Variants in PDS5A observed in about 807,000 individuals in gnomAD.
PDS5A encodes PDS5 cohesin associated factor A.
In PDS5A, 42 loss-of-function variants were observed where a neutral mutation model predicts 167.1. That is an observed-to-expected ratio of 0.25 (90% CI 0.20 to 0.33). The LOEUF (loss-of-function observed/expected upper bound fraction) is 0.33. PDS5A is among the 10% of genes least tolerant of loss of function. The pLI, the probability that PDS5A is intolerant of heterozygous loss-of-function variation, is 1.00. For synonymous variants in PDS5A, 553 were observed against 554.6 expected (o/e 1.00, Z 0.04); for missense variants, 1,033 against 1,605.9 (o/e 0.64, Z 6.10).
chr4:39,958,914 T>G (rs1729220104), intron 2 of PDS5A, among the ~76,000 whole-genome samples: 1 of 152,158 alleles, frequency 6.6e-6, no homozygotes, highest in Non-Finnish European at 1.5e-5. Flanking sequence ...CTGCTGTACT[T>G]ATTTATTTTC....
At chr4:39,840,662 T>C (rs1357274921) in intron 31 of PDS5A, among the ~76,000 whole-genome samples, 1 of 151,178 alleles carries the variant, frequency 6.6e-6, no homozygotes, top group Non-Finnish European at 1.5e-5. Flanking sequence ...TCCCAACGTG[T>C]TGGAATTACA....
chr4:39,963,653 A>C (rs367594241), intron 2 of PDS5A, among the ~76,000 whole-genome samples: 1 of 152,236 alleles, frequency 6.6e-6, no homozygotes, highest in East Asian at 1.9e-4. Flanking sequence ...GAAACATGGC[A>C]AAACCCTGTC....
intron 32 of PDS5A, among the ~76,000 whole-genome samples, chr4:39,829,207 A>T (rs1715589457): frequency 6.6e-6 from 1 of 152,240 alleles, no homozygotes; most frequent in South Asian, 2.1e-4. Context: ...AGGAAAATGC[A>T]GGTGGAATGT....
At chr4:39,898,127 G>T in intron 16 of PDS5A, 1 of 1,176,320 alleles carries the variant, frequency 8.5e-7, no homozygotes, top group Non-Finnish European at 1.0e-6. Flanking sequence ...CTCAATGAAT[G>T]TCTACTAAGT....
intron 26 of PDS5A, among the ~76,000 whole-genome samples, chr4:39,850,410 T>A (rs1718026621): frequency 6.6e-6 from 1 of 151,920 alleles, no homozygotes; most frequent in Non-Finnish European, 1.5e-5. Flanking sequence ...GGATCGCTTG[T>A]GGTTGCAGTG....
intron 6 of PDS5A, among the ~76,000 whole-genome samples, chr4:39,921,583 T>TAAAAAAAAAAAA: frequency 1.2e-5 from 1 of 86,864 alleles, no homozygotes; most frequent in Non-Finnish European, 2.2e-5. Flanking sequence ...AAAGAAAACT[T>TAAAAAAAAAAAA]AAAAAAAAAA....
Position 39,973,500 on chromosome 4 carries a change from T to C in PDS5A, c.138+2940A>G, listed in dbSNP as rs370704979. ...AAAATCTTGATGATAGTATTGATGATGAACGTCTCCAGAAAGAGTTTTCTC... is the reference window on the plus strand; with the variant it reads ...AAAATCTTGATGATAGTATTGATGACGAACGTCTCCAGAAAGAGTTTTCTC... On this transcript the variant is annotated intron_variant, in intron 2 of 32. Coordinates refer to ENST00000303538, the MANE Select transcript of PDS5A (RefSeq NM_001100399.2). 79 of 1,324,144 alleles carry C rather than the reference T, an allele frequency of 6.0e-5. 1 individual carries two copies. The South Asian group carries it at 8.7e-4, about 15-fold the overall frequency. The allele number at this position is 1,324,144 out of a possible 1,614,324, so 82.0% of individuals were successfully genotyped here. A position where few individuals can be genotyped will look rare whatever the true frequency, so the allele number is the denominator to read the frequency against.
intron 13 of PDS5A, among the ~76,000 whole-genome samples, chr4:39,900,847 G>C (rs189734574): frequency 1.1e-4 from 17 of 151,432 alleles, no homozygotes; most frequent in Non-Finnish European, 1.5e-4. Context: ...ACATGTATAC[G>C]CTTGGAGCAC....
chr4:39,886,025 G>A (rs1014591463), intron 17 of PDS5A, among the ~76,000 whole-genome samples: 1 of 152,170 alleles, frequency 6.6e-6, no homozygotes, highest in Non-Finnish European at 1.5e-5. Flanking sequence ...TAGCGGTCTA[G>A]TTTCATTCTT....
chr4:39,904,361 C>T (rs933206308), intron 11 of PDS5A, among the ~76,000 whole-genome samples, 170 bp from the exon 12 acceptor site: 41 of 151,968 alleles, frequency 2.7e-4, no homozygotes, highest in African/African-American at 9.4e-4. Context: ...TTTTTTGAGA[C>T]GGAGTCTCAC....
intron 29 of PDS5A, 22 bp from the exon 30 acceptor site, chr4:39,844,823 C>A (rs1717442357): frequency 6.3e-7 from 1 of 1,586,318 alleles, no homozygotes; most frequent in Non-Finnish European, 8.5e-7. Flanking sequence ...AACAAAAAAC[C>A]CCCCAAAAAC....
intron 2 of PDS5A, among the ~76,000 whole-genome samples, chr4:39,950,738 C>T (rs1335974296): frequency 6.6e-6 from 1 of 151,726 alleles, no homozygotes; most frequent in African/African-American, 2.4e-5. Flanking sequence ...CAGGTCTACG[C>T]TACCACACCA....
At chr4:39,895,344 A>G (rs953611598) in intron 16 of PDS5A, among the ~76,000 whole-genome samples, 5 of 152,242 alleles carry the variant, frequency 3.3e-5, no homozygotes, top group Non-Finnish European at 7.3e-5. Context: ...TATGCTAAAT[A>G]CTGTAGGGAA....
At chr4:39,976,691 T>C (rs922177573) in intron 1 of PDS5A, 74 bp from the exon 2 acceptor site, 1 of 753,062 alleles carries the variant, frequency 1.3e-6, no homozygotes, top group African/African-American at 1.7e-5. Flanking sequence ...CAAATCTCTC[T>C]AATCTGGAAA....
chr4:39,904,812 T>C (rs906150260), intron 11 of PDS5A, among the ~76,000 whole-genome samples: 1 of 152,262 alleles, frequency 6.6e-6, no homozygotes, highest in Non-Finnish European at 1.5e-5. Flanking sequence ...TACAGGTTAC[T>C]GATTTTTTAT....
chr4:39,849,482 T>C (rs1476354548), intron 27 of PDS5A, 38 bp downstream of exon 27: 4 of 1,399,084 alleles, frequency 2.9e-6, no homozygotes, highest in Non-Finnish European at 3.9e-6. Context: ...TATTTTTCTA[T>C]TACATCTTAA....
intron 26 of PDS5A, among the ~76,000 whole-genome samples, chr4:39,854,009 T>C (rs1187555116): frequency 1.3e-5 from 2 of 152,140 alleles, no homozygotes; most frequent in African/African-American, 2.4e-5. Flanking sequence ...ATTTGTAAAA[T>C]GGGAACAACA....
chr4:39,894,061 C>T (rs1348589024), intron 16 of PDS5A, among the ~76,000 whole-genome samples: 2 of 152,128 alleles, frequency 1.3e-5, no homozygotes, highest in African/African-American at 4.8e-5. Context: ...ATTCTAAATG[C>T]CAAAGAAGTC....
intron 3 of PDS5A, among the ~76,000 whole-genome samples, chr4:39,927,347 G>GTA (rs1051300321): frequency 1.3e-5 from 2 of 152,148 alleles, no homozygotes; most frequent in African/African-American, 4.8e-5. Context: ...ATTCATGATG[G>GTA]TAGTCTTTCA....
Sources: allele counts gnomAD v4.1 joint callset (sites outside exome capture counted in the v4.1 genomes callset), GRCh38; gene constraint gnomAD v4.1.1; transcripts MANE v1.5; gene names NCBI Gene and HGNC (gene_info 2026-07-23, HGNC 2026-07-21).